FSIP2: variants seen among roughly 807,000 people sequenced by gnomAD.
FSIP2 encodes the protein fibrous sheath-interacting protein 2.
FSIP2 carries 367 observed loss-of-function variants against 510.5 expected under a neutral mutation model. The ratio of observed to expected loss-of-function variants is 0.72; its 90% confidence interval spans 0.66 to 0.78. The LOEUF (loss-of-function observed/expected upper bound fraction) is 0.78, where lower values mean the gene tolerates loss of function less well. FSIP2 is among the 30% of genes least tolerant of loss of function. The pLI is 0.00. For synonymous variants in FSIP2, 2,601 were observed against 2,732.2 expected (o/e 0.95, Z 1.50); for missense variants, 7,594 against 7,901.7 (o/e 0.96, Z 1.48).
rs1411602380 is a variant in FSIP2, at chr2:185,802,127, C to A, written c.12821C>A (p.Pro4274Gln). The change falls in exon 17 of 23, where the codon CCA becomes CAA. Residue 4274 changes from proline (P) to glutamine (Q), a missense_variant. Physicochemically the swap from Pro to Gln is moderately conservative, Grantham distance 76. Transcript: ENST00000424728. ...GAGGTTTTATGTCATCCAAGGACTC[C>A]ACTGGATCCAGTGTCTACTATTGTT... ...SGEVLCHPRT[P>Q]LDPVSTIVTQ... 1.3e-6 allele frequency: 2 copies of A among 1,533,312 alleles called. No homozygotes were observed. The highest frequency in any genetic ancestry group is 3.9e-5 in the Admixed American group (2 of 50,810). 95.0% of individuals were successfully genotyped at this position (1,533,312 alleles called of 1,614,324 possible).
rs1446658174 is a variant in FSIP2, at chr2:185,790,904, A to G, written c.3768A>G (p.Val1256=). The change falls in exon 16 of 23, where the codon GTA becomes GTG. Residue 1256 remains valine, a synonymous_variant. Transcript: ENST00000424728. ...CTGGAAAAAGTGAACCTAAACCTGT[A>G]GATGACATTAATGATAAGATCATTC... The part of the protein sequence containing the change: ...LKSGKSEPKP[V]DDINDKIIRT... 1 of 1,529,378 alleles carries G rather than the reference A, an allele frequency of 6.5e-7. No individual in the cohort carries two copies. The highest frequency in any genetic ancestry group is 2.0e-5 in the Admixed American group (1 of 49,976). 94.7% of individuals were successfully genotyped at this position (1,529,378 alleles called of 1,614,324 possible).
rs77024031 is a variant in FSIP2 at position 185,805,916 on chromosome 2, C to G, written c.16610C>G (p.Ser5537Ter). The part of the protein sequence containing the change: ...ICTQKHSENV[S>*]KVTSTTTVKS... ...ACTCAAAAACATAGTGAGAATGTAT[C>G]AAAAGTTACTTCAACTACCACTGTG... The change falls in exon 17 of 23, where the codon TCA (serine) becomes TGA (stop). Residue 5537 changes from serine (S) to a stop codon, truncating the protein, a stop_gained. Transcript: ENST00000424728. LOFTEE classifies it high-confidence loss of function. 8 of 1,597,378 alleles carry G rather than the reference C, an allele frequency of 5.0e-6. No homozygotes were observed. Among genetic ancestry groups the G allele is most frequent in the Non-Finnish European group, 6.8e-6 (8 of 1,174,826 alleles).
rs764691085 is a variant in FSIP2 at position 185,750,253 on chromosome 2, A to C, written c.870+2830A>C. ...GTATTGTTTATTTTTTATATATTTTATGGAATTTATCAGTGAAGACATTTG... is the reference window on the plus strand; with the variant it reads ...GTATTGTTTATTTTTTATATATTTTCTGGAATTTATCAGTGAAGACATTTG... On this transcript the variant is annotated intron_variant, in intron 7 of 22. Transcript: ENST00000424728. 3.2e-4 allele frequency among the ~76,000 whole-genome samples: 48 copies of C among 151,680 alleles called. 1 individual carries two copies. The highest frequency in any genetic ancestry group is 3.7e-4 in the Non-Finnish European group (25 of 67,712).
At chr2:185,747,271 G>T (rs915502027) in intron 6 of FSIP2, 42 bp from the exon 7 acceptor site, 126 of 1,093,728 alleles carry the variant, frequency 1.2e-4, no homozygotes, top group Non-Finnish European at 1.7e-4. Flanking sequence ...ATATTGTTGT[G>T]AAAGGCACAC....
At position 185,791,989 on chromosome 2, in the gene FSIP2, G is replaced by T. The variant is rs1006103916; in HGVS notation, c.4853G>T (p.Gly1618Val). Residue 1618 changes from glycine to valine, a missense_variant, in exon 16 of 23, where the codon GGC becomes GTC. By Grantham distance (109) the Gly-to-Val change is moderately radical. Transcript: ENST00000424728. The part of the protein sequence containing the change: ...NDGNKKSNKI[G>V]WEYESTNISR... ...GGAAATAAGAAAAGCAATAAGATAG[G>T]CTGGGAATATGAAAGCACCAATATT... 6.5e-7 allele frequency: 1 copy of T among 1,533,716 alleles called. No homozygotes were observed. Among genetic ancestry groups the T allele is most frequent in the African/African-American group, 1.4e-5 (1 of 72,840 alleles).
intron 21 of FSIP2, among the ~76,000 whole-genome samples, chr2:185,829,594 C>T (rs1387355136): frequency 6.6e-6 from 1 of 151,976 alleles, no homozygotes; most frequent in Non-Finnish European, 1.5e-5. Flanking sequence ...CCCTCCTTGG[C>T]CCTGCCTCAA....
rs139908303 is a variant in FSIP2, at chr2:185,771,142, T to A, written c.1411+6577T>A. On this transcript the variant is annotated intron_variant, in intron 13 of 22. Coordinates refer to ENST00000424728, the MANE Select transcript of FSIP2 (RefSeq NM_173651.4). Reference sequence around the variant, plus strand: ...CCATGGCTTCTGTCACTGATTTGAGTCTAATGCCTGCTGCTTTCCCATGCT... The same window carrying A: ...CCATGGCTTCTGTCACTGATTTGAGACTAATGCCTGCTGCTTTCCCATGCT... 3.6e-3 allele frequency among the ~76,000 whole-genome samples: 553 copies of A among 152,274 alleles called. 2 individuals carry two copies. The highest frequency in any genetic ancestry group is 0.017 in the Middle Eastern group (5 of 294).
In FSIP2 at chr2:185,744,308, A is replaced by AT; in HGVS notation, c.388-9dup. 2 of 807,880 alleles carry AT rather than the reference A, an allele frequency of 2.5e-6. No homozygotes were observed. The highest frequency in any genetic ancestry group is 4.5e-5 in the South Asian group (1 of 22,400). 50.0% of individuals were successfully genotyped at this position (807,880 alleles called of 1,614,324 possible). A position where few individuals can be genotyped will look rare whatever the true frequency, so the allele number is the denominator to read the frequency against. On this transcript the variant is annotated splice_polypyrimidine_tract_variant and intron_variant, in intron 3 of 22. Coordinates refer to ENST00000424728, the MANE Select transcript of FSIP2 (RefSeq NM_173651.4). ...ATTTTTAAAATATCCATCTGTTTTC[A>AT]TTTTTGTTTGTAGGTTGTATGTACC...
At chr2:185,809,262 T>A in intron 17 of FSIP2, 129 bp downstream of exon 17, 1 of 989,808 alleles carries the variant, frequency 1.0e-6, no homozygotes, top group South Asian at 2.2e-5. Flanking sequence ...AATAGGAGAA[T>A]TAGTTGCATC....
chr2:185,793,971 A>C lies in FSIP2; in HGVS notation c.6835A>C (p.Ser2279Arg), dbSNP rs1403025529. The change falls in exon 16 of 23, where the codon AGT becomes CGT. Residue 2279 changes from serine to arginine, a missense_variant. Transcript: ENST00000424728. The part of the protein sequence containing the change: ...IDSLITLAFQ[S>R]KEKSFVIPEL... ...TTCATTAATTACCCTTGCTTTCCAA[A>C]GTAAAGAAAAGTCATTTGTTATCCC... is the stretch of plus-strand genomic sequence containing the variant. The C allele has an allele frequency of 6.5e-7, 1 of 1,529,940 alleles. No individual in the cohort carries two copies. The highest frequency in any genetic ancestry group is 2.0e-5 in the Admixed American group (1 of 50,184). The allele number at this position is 1,529,940 out of a possible 1,614,324, so 94.8% of individuals were successfully genotyped here. A position where few individuals can be genotyped will look rare whatever the true frequency, so the allele number is the denominator to read the frequency against.
intron 15 of FSIP2, among the ~76,000 whole-genome samples, chr2:185,786,959 A>G (rs1157167903): frequency 6.6e-6 from 1 of 151,898 alleles, no homozygotes; most frequent in African/African-American, 2.4e-5. Context: ...GATTCTATCT[A>G]TCATATTTCA....
chr2:185,805,886 T>C lies in FSIP2; in HGVS notation c.16580T>C (p.Ile5527Thr). 2 of 1,608,744 alleles carry C rather than the reference T, an allele frequency of 1.2e-6. No individual in the cohort carries two copies. The highest frequency in any genetic ancestry group is 1.7e-6 in the Non-Finnish European group (2 of 1,177,712). Reference sequence around the variant, plus strand: ...GAAGTGGATGAAAATAAAGTGGGAATTTGTACTCAAAAACATAGTGAGAAT... The same window carrying C: ...GAAGTGGATGAAAATAAAGTGGGAACTTGTACTCAAAAACATAGTGAGAAT... The part of the protein sequence containing the change: ...KKEVDENKVG[I>T]CTQKHSENVS... Residue 5527 changes from isoleucine (I) to threonine (T), a missense_variant, in exon 17 of 23, where the codon ATT becomes ACT. By Grantham distance (89) the Ile-to-Thr change is moderately conservative. Coordinates refer to ENST00000424728, the MANE Select transcript of FSIP2 (RefSeq NM_173651.4).
intron 15 of FSIP2, among the ~76,000 whole-genome samples, chr2:185,786,638 G>A (rs1692985434): frequency 6.6e-6 from 1 of 151,846 alleles, no homozygotes; most frequent in Admixed American, 6.6e-5. Context: ...AGATCTTGCT[G>A]GTGAACTCAG....
chr2:185,767,946 CT>C (rs1433351829), intron 13 of FSIP2, among the ~76,000 whole-genome samples: 1 of 152,120 alleles, frequency 6.6e-6, no homozygotes, highest in Non-Finnish European at 1.5e-5. Context: ...AACCTTCATA[CT>C]GTTTTCTACA....
At chr2:185,772,149 A>G (rs1692618328) in intron 13 of FSIP2, among the ~76,000 whole-genome samples, 1 of 152,140 alleles carries the variant, frequency 6.6e-6, no homozygotes, top group Admixed American at 6.5e-5. Flanking sequence ...CTATATTTCT[A>G]TCAGCATTTC....
At chr2:185,756,371 C>A (rs1199926994) in intron 9 of FSIP2, 93 bp downstream of exon 9, 9 of 431,660 alleles carry the variant, frequency 2.1e-5, no homozygotes, top group East Asian at 1.7e-4. Flanking sequence ...TAAGTGCAGA[C>A]AAATCCTGTT....
rs1337017643 is a variant in FSIP2, at chr2:185,804,397, A to G, written c.15091A>G (p.Lys5031Glu). The change falls in exon 17 of 23, where the codon AAA becomes GAA. Residue 5031 changes from lysine (K) to glutamate (E), a missense_variant. Physicochemically the swap from Lys to Glu is moderately conservative, Grantham distance 56. Coordinates refer to ENST00000424728, the MANE Select transcript of FSIP2 (RefSeq NM_173651.4). ...AAAAATAGTCAACTCAGTATATGGAAAAGTATTAGATCAATATAAATCTCT... is the reference window on the plus strand; with the variant it reads ...AAAAATAGTCAACTCAGTATATGGAGAAGTATTAGATCAATATAAATCTCT... Reference protein sequence around the residue: ...VQKIVNSVYGKVLDQYKSLIQ... With the variant: ...VQKIVNSVYGEVLDQYKSLIQ... 6.6e-7 allele frequency: 1 copy of G among 1,503,950 alleles called. No individual in the cohort carries two copies. The highest frequency in any genetic ancestry group is 1.4e-5 in the African/African-American group (1 of 71,400). The allele number at this position is 1,503,950 out of a possible 1,614,324, so 93.2% of individuals were successfully genotyped here.
chr2:185,800,179 T>G lies in FSIP2; in HGVS notation c.10873T>G (p.Phe3625Val). ...LSKEIEVDYHFESNVRNKSFS... is the reference protein window; with the variant it reads ...LSKEIEVDYHVESNVRNKSFS... The stretch of plus-strand genomic sequence containing the variant: ...CAAAGAAATAGAAGTAGATTATCAC[T>G]TTGAAAGCAATGTAAGAAACAAATC... The change falls in exon 17 of 23, where the codon TTT (phenylalanine) becomes GTT (valine). Residue 3625 changes from phenylalanine (F) to valine (V), a missense_variant. Transcript: ENST00000424728. The G allele has an allele frequency of 6.5e-7, 1 of 1,532,916 alleles. No homozygotes were observed. Among genetic ancestry groups the G allele is most frequent in the Non-Finnish European group, 8.7e-7 (1 of 1,145,206 alleles). 95.0% of individuals were successfully genotyped at this position (1,532,916 alleles called of 1,614,324 possible).
chr2:185,803,765 C>T lies in FSIP2; in HGVS notation c.14459C>T (p.Ser4820Leu), dbSNP rs1161881123. 4 of 1,530,712 alleles carry T rather than the reference C, an allele frequency of 2.6e-6. No homozygotes were observed. Among genetic ancestry groups the T allele is most frequent in the Admixed American group, 2.0e-5 (1 of 50,584 alleles). The allele number at this position is 1,530,712 out of a possible 1,614,324, so 94.8% of individuals were successfully genotyped here. ...GCAGAGCAGTCAGATACTACTAAAT[C>T]AGACTTAAGTAATACAGTGATAAAA... is the stretch of plus-strand genomic sequence containing the variant. ...TSAEQSDTTK[S>L]DLSNTVIKLI... The change falls in exon 17 of 23, where the codon TCA (serine) becomes TTA (leucine). Residue 4820 changes from serine to leucine, a missense_variant. Coordinates refer to ENST00000424728, the MANE Select transcript of FSIP2 (RefSeq NM_173651.4).
Sources: gnomAD v4.1 joint callset for allele counts (sites outside exome capture counted in the v4.1 genomes callset) on GRCh38, gnomAD v4.1.1 for gene constraint, MANE v1.5 for transcripts, NCBI Gene and HGNC (gene_info 2026-07-23, HGNC 2026-07-21) for gene names.